Variants in DNAH3 observed in about 807,000 individuals in gnomAD.
DNAH3 encodes dynein axonemal heavy chain 3, also known as axonemal beta dynein heavy chain 3.
DNAH3 carries 332 observed loss-of-function variants against 432.5 expected under a neutral mutation model. The observed-to-expected ratio is 0.77, with a 90% confidence interval of 0.70 to 0.84. DNAH3 has a LOEUF of 0.84. DNAH3 is among the 40% of genes least tolerant of loss of function. The pLI is 0.00. For synonymous variants in DNAH3, 1,956 were observed against 1,900.2 expected (o/e 1.03, Z -0.76); for missense variants, 4,861 against 5,114.0 (o/e 0.95, Z 1.51).
At chr16:21,085,748 T>C (rs1244022100) in intron 19 of DNAH3, among the ~76,000 whole-genome samples, 1 of 151,960 alleles carries the variant, frequency 6.6e-6, no homozygotes, top group East Asian at 1.9e-4. Context: ...TGTGTTGTCA[T>C]TGGGTCCTTT....
In DNAH3 at chr16:21,121,628, G is replaced by A. The variant is rs1215110673; in HGVS notation, c.1584+317C>T. ...TTCTTTTTTTTTTTTTGGAGATGGA[G>A]TCTCGCTCTGTCGCCCAGGCAGGAG... is the stretch of plus-strand genomic sequence containing the variant. On this transcript the variant is annotated intron_variant, in intron 10 of 61. Coordinates refer to ENST00000261383, the Ensembl canonical transcript of DNAH3. Among the ~76,000 whole-genome samples, 4 of 145,198 alleles carry A rather than the reference G, an allele frequency of 2.8e-5. No individual in the cohort carries two copies. The East Asian group carries it at 8.1e-4, about 29-fold the overall frequency.
At chr16:21,125,042 G>T in intron 9 of DNAH3, 133 bp downstream of exon 10, 2 of 636,540 alleles carry the variant, frequency 3.1e-6, no homozygotes, top group Non-Finnish European at 5.2e-6. Context: ...ACAACTGCCT[G>T]ATGTGGGTGG....
At chr16:21,119,657 C>T (rs755681574) in intron 11 of DNAH3, among the ~76,000 whole-genome samples, 19 of 149,788 alleles carry the variant, frequency 1.3e-4, no homozygotes, top group Non-Finnish European at 1.2e-4. Context: ...AGTGCAATGG[C>T]GCAATCTAGG....
intron 60 of DNAH3, among the ~76,000 whole-genome samples, chr16:20,936,395 A>G (rs2083590913): frequency 6.6e-6 from 1 of 151,668 alleles, no homozygotes; most frequent in Non-Finnish European, 1.5e-5. Context: ...ACCTCAAGTG[A>G]TCCGCCTGCC....
chr16:20,936,720 T>G, exon 60 of DNAH3: 1 of 1,609,192 alleles, frequency 6.2e-7, no homozygotes, highest in South Asian at 1.1e-5. Flanking sequence ...GGGTAAGACT[T>G]GGCTGCCCAC....
chr16:20,951,531 C>T (rs936830570), intron 56 of DNAH3, among the ~76,000 whole-genome samples: 17 of 150,862 alleles, frequency 1.1e-4, no homozygotes, highest in African/African-American at 3.7e-4. Flanking sequence ...CGCACCTCCA[C>T]ATCCGGGGCT....
At chr16:20,978,045 T>C (rs1274618364) in intron 50 of DNAH3, among the ~76,000 whole-genome samples, 7 of 152,194 alleles carry the variant, frequency 4.6e-5, no homozygotes, top group African/African-American at 7.2e-5. Context: ...TTGGTCTTTA[T>C]TGGGGCTGAA....
intron 10 of DNAH3, among the ~76,000 whole-genome samples, chr16:21,121,278 A>G (rs933427848): frequency 1.3e-5 from 2 of 152,248 alleles, no homozygotes; most frequent in African/African-American, 4.8e-5. Flanking sequence ...TAGTAATAAA[A>G]GTTTGTTAAT....
At chr16:21,020,342 G>GTC (rs2152710398) in intron 40 of DNAH3, among the ~76,000 whole-genome samples, 1 of 28,892 alleles carries the variant, frequency 3.5e-5, no homozygotes, top group East Asian at 5.1e-4. Flanking sequence ...TAATAATATA[G>GTC]TGTGTGTATA....
chr16:21,014,693 G>T (rs758065532), intron 41 of DNAH3, among the ~76,000 whole-genome samples: 4 of 152,020 alleles, frequency 2.6e-5, no homozygotes, highest in Admixed American at 6.6e-5. Context: ...AAATCCCAAA[G>T]AATCCACAAA....
chr16:21,021,916 A>G, intron 40 of DNAH3, 55 bp downstream of exon 40: 2 of 1,583,912 alleles, frequency 1.3e-6, no homozygotes, highest in Non-Finnish European at 1.7e-6. Flanking sequence ...AAAAAAAGAA[A>G]TAGCCAAGGT....
chr16:21,122,386 C>T (rs1196711043), intron 9 of DNAH3, among the ~76,000 whole-genome samples: 1 of 152,002 alleles, frequency 6.6e-6, no homozygotes, highest in Non-Finnish European at 1.5e-5. Context: ...GGAACCCCGT[C>T]TCTACTAAAA....
intron 23 of DNAH3, among the ~76,000 whole-genome samples, chr16:21,067,776 G>GGGGAGAGAGAGAGAGA (rs2090616078): frequency 1.2e-4 from 5 of 40,894 alleles, no homozygotes; most frequent in African/African-American, 6.2e-4. Context: ...GGGTGGGGAG[G>GGGGAGAGAGAGAGAGA]GAGAGAGAGA....
At chr16:21,000,514 G>A (rs768788760) in exon 43 of DNAH3, 2 of 1,601,442 alleles carry the variant, frequency 1.2e-6, no homozygotes, top group Middle Eastern at 1.7e-4. Flanking sequence ...GATGAGTTCT[G>A]AGACCTGTAC....
exon 2 of DNAH3, chr16:21,146,021 G>A: frequency 6.2e-7 from 1 of 1,613,796 alleles, no homozygotes; most frequent in Non-Finnish European, 8.5e-7. Context: ...AGCAGAAGCA[G>A]GCAGAGGAGG....
chr16:20,989,122 G>A (rs940920689), intron 44 of DNAH3, among the ~76,000 whole-genome samples: 11 of 152,206 alleles, frequency 7.2e-5, no homozygotes, highest in South Asian at 2.1e-4. Context: ...TACCACTGCT[G>A]GCTCGGGCAG....
chr16:20,989,023 T>A (rs532779552), intron 44 of DNAH3, among the ~76,000 whole-genome samples: 1 of 152,188 alleles, frequency 6.6e-6, no homozygotes, highest in Non-Finnish European at 1.5e-5. Context: ...ATAAAAGCAG[T>A]GTGGACCCAC....
At chr16:21,138,337 A>G (rs1010674307) in intron 5 of DNAH3, among the ~76,000 whole-genome samples, 11 of 152,126 alleles carry the variant, frequency 7.2e-5, no homozygotes, top group Non-Finnish European at 1.3e-4. Flanking sequence ...GCAGCTGCTA[A>G]CAGGGGAGTA....
At chr16:21,031,808 A>G (rs2088891112) in intron 36 of DNAH3, among the ~76,000 whole-genome samples, 1 of 152,176 alleles carries the variant, frequency 6.6e-6, no homozygotes, top group Non-Finnish European at 1.5e-5. Context: ...CAGGTGGATC[A>G]CTAGAGGCCA....
Sources: gnomAD v4.1 joint callset for allele counts (sites outside exome capture counted in the v4.1 genomes callset) on GRCh38, gnomAD v4.1.1 for gene constraint, MANE v1.5 for transcripts, NCBI Gene and HGNC (gene_info 2026-07-23, HGNC 2026-07-21) for gene names.